Variants in HS3ST5 observed in about 807,000 individuals in gnomAD.
HS3ST5 encodes heparan sulfate glucosamine 3-O-sulfotransferase 5.
Under a neutral mutation model 25.4 loss-of-function variants are expected in HS3ST5, and 10 were observed. That is an observed-to-expected ratio of 0.39 (90% confidence interval 0.24 to 0.67). HS3ST5 has a LOEUF of 0.67. HS3ST5 is among the 30% of genes least tolerant of loss of function. The probability of loss-of-function intolerance (pLI) is 0.44; values close to 1 mark genes in which losing one functional copy is unlikely to be tolerated. For missense variants in HS3ST5, 324 were observed against 420.7 expected (o/e 0.77, Z 2.01); for synonymous variants, 170 against 162.4 (o/e 1.05, Z -0.36).
At chr6:114,095,204 T>G (rs906748053) in intron 3 of HS3ST5, among the ~76,000 whole-genome samples, 2 of 152,144 alleles carry the variant, frequency 1.3e-5, no homozygotes, top group Non-Finnish European at 2.9e-5. Flanking sequence ...GCCCTCCTCT[T>G]TCATTGGCTG....
intron 3 of HS3ST5, among the ~76,000 whole-genome samples, chr6:114,101,043 C>A (rs1196391316): frequency 6.6e-6 from 1 of 152,110 alleles, no homozygotes; most frequent in Non-Finnish European, 1.5e-5. Context: ...ATTTTTCTGT[C>A]TTTTTTTCTA....
intron 1 of HS3ST5, among the ~76,000 whole-genome samples, chr6:114,294,081 C>T (rs1218960709): frequency 1.3e-5 from 2 of 152,136 alleles, no homozygotes; most frequent in Non-Finnish European, 2.9e-5. Flanking sequence ...GGCACCTAAT[C>T]TCAATAACGT....
intron 2 of HS3ST5, among the ~76,000 whole-genome samples, chr6:114,177,543 C>T (rs144767732): frequency 2.0e-3 from 305 of 152,246 alleles, no homozygotes; most frequent in Non-Finnish European, 3.4e-3. Context: ...CTTAAATGTG[C>T]CTTATTTCTA....
intron 1 of HS3ST5, among the ~76,000 whole-genome samples, chr6:114,325,630 C>T (rs142036994): frequency 2.0e-4 from 30 of 152,100 alleles, no homozygotes; most frequent in East Asian, 1.7e-3. Context: ...TCACTGTTAA[C>T]GCAGGTTTTA....
chr6:114,192,324 T>G (rs374475562), intron 2 of HS3ST5, among the ~76,000 whole-genome samples: 104 of 152,308 alleles, frequency 6.8e-4, no homozygotes, highest in African/African-American at 2.3e-3. Flanking sequence ...TTAATCTTCT[T>G]AATAACTATA....
intron 1 of HS3ST5, among the ~76,000 whole-genome samples, chr6:114,278,309 A>G (rs564312921): frequency 3.3e-5 from 5 of 152,114 alleles, no homozygotes; most frequent in African/African-American, 9.6e-5. Flanking sequence ...TTAAAGCATT[A>G]TTCTTTTTCT....
intron 3 of HS3ST5, among the ~76,000 whole-genome samples, chr6:114,101,349 T>C (rs1039239192): frequency 6.6e-6 from 1 of 152,216 alleles, no homozygotes; most frequent in African/African-American, 2.4e-5. Flanking sequence ...ATTATATCTA[T>C]ATTGTCCCAA....
At chr6:114,334,561 C>G (rs1188562313) in intron 1 of HS3ST5, among the ~76,000 whole-genome samples, 1 of 152,198 alleles carries the variant, frequency 6.6e-6, no homozygotes, top group Admixed American at 6.5e-5. Context: ...TATGTCTTTA[C>G]TGTACCTTTT....
intron 2 of HS3ST5, among the ~76,000 whole-genome samples, chr6:114,170,859 A>G (rs1275087001): frequency 1.3e-5 from 2 of 152,158 alleles, no homozygotes; most frequent in Admixed American, 6.5e-5. Flanking sequence ...ATAATTAGCT[A>G]AAGTTCAATG....
chr6:114,193,571 T>C (rs1057324912), intron 2 of HS3ST5, among the ~76,000 whole-genome samples: 1 of 152,200 alleles, frequency 6.6e-6, no homozygotes, highest in Non-Finnish European at 1.5e-5. Flanking sequence ...ACAAATTCGT[T>C]ATTAATTTCT....
intron 1 of HS3ST5, among the ~76,000 whole-genome samples, chr6:114,326,058 A>T (rs1012691949): frequency 1.3e-5 from 2 of 152,002 alleles, no homozygotes; most frequent in Non-Finnish European, 2.9e-5. Context: ...TTACTTTCTC[A>T]CCTGACTCCT....
At chr6:114,167,352 G>A (rs992680873) in intron 3 of HS3ST5, 2 of 152,116 alleles carry the variant, frequency 1.3e-5, no homozygotes, top group African/African-American at 4.8e-5. Flanking sequence ...GCATTATGGA[G>A]AAAATTAAGA....
At chr6:114,281,650 T>C (rs1774117992) in intron 1 of HS3ST5, among the ~76,000 whole-genome samples, 1 of 151,906 alleles carries the variant, frequency 6.6e-6, no homozygotes, top group African/African-American at 2.4e-5. Flanking sequence ...AAAGAGGAAG[T>C]AGGACATATT....
intron 2 of HS3ST5, among the ~76,000 whole-genome samples, chr6:114,219,967 T>C (rs1298032025): frequency 6.6e-6 from 1 of 152,152 alleles, no homozygotes; most frequent in African/African-American, 2.4e-5. Context: ...AAAGTACTTA[T>C]TAAGTCTTCA....
At chr6:114,183,214 G>C (rs988647130) in intron 2 of HS3ST5, among the ~76,000 whole-genome samples, 1 of 152,164 alleles carries the variant, frequency 6.6e-6, no homozygotes, top group Admixed American at 6.5e-5. Flanking sequence ...TAATTCTCTC[G>C]AGTTGTGAAA....
intron 2 of HS3ST5, among the ~76,000 whole-genome samples, chr6:114,209,499 G>T (rs550453957): frequency 1.3e-5 from 2 of 151,354 alleles, no homozygotes; most frequent in Non-Finnish European, 2.9e-5. Context: ...ATTGAGTATT[G>T]CTTATCTTCT....
chr6:114,203,712 A>G (rs1781135691), intron 2 of HS3ST5, among the ~76,000 whole-genome samples: 1 of 152,182 alleles, frequency 6.6e-6, no homozygotes. Flanking sequence ...TTCTGATTTC[A>G]TCCCCAACCA....
intron 1 of HS3ST5, among the ~76,000 whole-genome samples, chr6:114,240,287 T>A (rs2114580144): frequency 6.6e-6 from 1 of 152,298 alleles, no homozygotes; most frequent in Non-Finnish European, 1.5e-5. Context: ...TTACAGCTGC[T>A]TTTCATTCAT....
chr6:114,121,871 G>A (rs981472170), intron 3 of HS3ST5, among the ~76,000 whole-genome samples: 2 of 152,108 alleles, frequency 1.3e-5, no homozygotes, highest in African/African-American at 4.8e-5. Context: ...TTTTGGAGGT[G>A]GGAATACAAT....
Sources: gnomAD v4.1 joint callset for allele counts (sites outside exome capture counted in the v4.1 genomes callset) on GRCh38, gnomAD v4.1.1 for gene constraint, MANE v1.5 for transcripts, NCBI Gene and HGNC (gene_info 2026-07-23, HGNC 2026-07-21) for gene names.